The following INTS4 variants were observed in gnomAD, a reference collection of about 807,000 sequenced individuals.
The protein encoded by INTS4 is integrator complex subunit 4.
Under a neutral mutation model 119.5 loss-of-function variants are expected in INTS4, and 70 were observed. That is an observed-to-expected ratio of 0.59 (90% CI 0.48 to 0.71). The LOEUF (loss-of-function observed/expected upper bound fraction) is 0.71. INTS4 is among the 30% of genes least tolerant of loss of function. The pLI is 0.00. For missense variants in INTS4, 867 were observed against 1,173.2 expected (o/e 0.74, Z 3.81); for synonymous variants, 316 against 419.6 (o/e 0.75, Z 3.02).
chr11:77,974,730 T>C (rs751709259), intron 4 of INTS4, among the ~76,000 whole-genome samples: 1 of 151,734 alleles, frequency 6.6e-6, no homozygotes, highest in African/African-American at 2.4e-5. Context: ...GCCTCCCAGG[T>C]AGCTGGACTA....
intron 2 of INTS4, among the ~76,000 whole-genome samples, chr11:77,990,697 A>AG (rs970194793): frequency 8.6e-5 from 13 of 151,768 alleles, no homozygotes; most frequent in African/African-American, 2.7e-4. Flanking sequence ...AAAAAAAAAA[A>AG]AAAAAAAATG....
intron 8 of INTS4, among the ~76,000 whole-genome samples, chr11:77,950,506 C>T (rs1954164903): frequency 6.6e-6 from 1 of 152,062 alleles, no homozygotes. Context: ...TGGTGTTCAA[C>T]TGCACATAAA....
At chr11:77,964,958 T>C (rs1485421646) in intron 4 of INTS4, among the ~76,000 whole-genome samples, 1 of 152,244 alleles carries the variant, frequency 6.6e-6, no homozygotes, top group African/African-American at 2.4e-5. Flanking sequence ...TGGGATACAA[T>C]GTGATACTTT....
At position 77,934,394 on chromosome 11, in the gene INTS4, TA is replaced by T. The variant is rs57661146; in HGVS notation, c.1165+4256del. ...ACACCCAAGAATGATCAATAAATAC[TA>T]AAAAAAAAAAAAAAAAGAATGATGC... On this transcript the variant is annotated intron_variant, in intron 10 of 22. Coordinates refer to ENST00000534064, the MANE Select transcript of INTS4 (RefSeq NM_033547.4). Among the ~76,000 whole-genome samples the T allele has an allele frequency of 1.4e-3, 179 of 125,338 alleles. 1 individual carries two copies. The highest frequency in any genetic ancestry group is 2.9e-3 in the South Asian group (11 of 3,782). 82.2% of individuals were successfully genotyped at this position (125,338 alleles called of 152,430 possible).
chr11:77,918,198 G>A (rs1213779278), intron 15 of INTS4: 19 of 677,390 alleles, frequency 2.8e-5, no homozygotes, highest in East Asian at 2.0e-4. Context: ...TTGGGAGGCC[G>A]AGGCGGGAGG....
chr11:77,994,571 C>A lies in INTS4; in HGVS notation c.54+19G>T. The A allele has an allele frequency of 6.3e-7, 1 of 1,595,800 alleles. No individual in the cohort carries two copies. The highest frequency in any genetic ancestry group is 8.6e-7 in the Non-Finnish European group (1 of 1,163,130). ...ACCCTGGTCCGGATCGGTTCTGGAT[C>A]TTTCCCGCCAGAGCTTACCTGAACC... On this transcript the variant is annotated intron_variant, in intron 1 of 22. Transcript: ENST00000534064.
chr11:77,988,783 G>A (rs989467649), intron 2 of INTS4, among the ~76,000 whole-genome samples: 1 of 152,126 alleles, frequency 6.6e-6, no homozygotes, highest in East Asian at 1.9e-4. Context: ...AGAGAACAGA[G>A]GAACAAGTTA....
intron 16 of INTS4, among the ~76,000 whole-genome samples, chr11:77,907,405 A>C (rs1414954235): frequency 6.6e-6 from 1 of 152,154 alleles, no homozygotes; most frequent in African/African-American, 2.4e-5. Context: ...GATAGTCTAA[A>C]ACTTCATACA....
intron 14 of INTS4, among the ~76,000 whole-genome samples, chr11:77,919,832 G>A (rs573763289): frequency 1.7e-3 from 255 of 151,952 alleles, no homozygotes; most frequent in Non-Finnish European, 2.8e-3. Flanking sequence ...TTTTTGAGAT[G>A]GAGTCTCGCT....
At chr11:77,983,980 C>T (rs1036910499) in intron 2 of INTS4, among the ~76,000 whole-genome samples, 2 of 152,024 alleles carry the variant, frequency 1.3e-5, no homozygotes, top group Non-Finnish European at 2.9e-5. Context: ...GGAAGCAATG[C>T]AAGTATCCAT....
intron 4 of INTS4, among the ~76,000 whole-genome samples, chr11:77,973,946 T>A (rs981908126): frequency 6.6e-6 from 1 of 152,222 alleles, no homozygotes; most frequent in African/African-American, 2.4e-5. Context: ...ACTCATAGAA[T>A]GAGTTTGGAA....
intron 15 of INTS4, among the ~76,000 whole-genome samples, chr11:77,908,846 T>TG (rs1555023900): frequency 6.6e-6 from 1 of 151,958 alleles, no homozygotes; most frequent in Non-Finnish European, 1.5e-5. Context: ...CATTATTTTT[T>TG]AAAAGGTATT....
chr11:77,909,763 T>C (rs1953046562), intron 15 of INTS4, among the ~76,000 whole-genome samples: 1 of 152,196 alleles, frequency 6.6e-6, no homozygotes, highest in Non-Finnish European at 1.5e-5. Flanking sequence ...CATACACAAA[T>C]AAAATAGTTG....
intron 9 of INTS4, among the ~76,000 whole-genome samples, chr11:77,939,498 C>T (rs895962450): frequency 1.3e-5 from 2 of 151,702 alleles, no homozygotes; most frequent in African/African-American, 2.4e-5. Context: ...GGCAACATTG[C>T]GTTCTATTTC....
intron 2 of INTS4, among the ~76,000 whole-genome samples, chr11:77,984,033 T>TTTA (rs1856355450): frequency 6.6e-6 from 1 of 152,188 alleles, no homozygotes; most frequent in South Asian, 2.1e-4. Flanking sequence ...ATACACATAA[T>TTTA]GGAATATTAT....
chr11:77,978,322 T>C (rs1054262804), intron 4 of INTS4: 1 of 152,338 alleles, frequency 6.6e-6, no homozygotes, highest in South Asian at 2.1e-4. Context: ...TATAATACTC[T>C]AACACAATTC....
chr11:77,963,530 T>C (rs1367796106), intron 4 of INTS4: 2 of 390,132 alleles, frequency 5.1e-6, no homozygotes, highest in Non-Finnish European at 9.8e-6. Context: ...GGAAACCACA[T>C]CCCCAATAAT....
At chr11:77,903,154 T>C (rs1212114623) in intron 17 of INTS4, among the ~76,000 whole-genome samples, 1 of 152,228 alleles carries the variant, frequency 6.6e-6, no homozygotes, top group Non-Finnish European at 1.5e-5. Context: ...GAGGAAGACC[T>C]GGGACTAGGA....
chr11:77,937,161 T>C (rs899062230), intron 10 of INTS4, among the ~76,000 whole-genome samples: 2 of 150,810 alleles, frequency 1.3e-5, no homozygotes, highest in African/African-American at 4.9e-5. Context: ...GGCAAAACTC[T>C]GTCCCCGCCA....
Sources: gnomAD v4.1 joint callset for allele counts (sites outside exome capture counted in the v4.1 genomes callset) on GRCh38, gnomAD v4.1.1 for gene constraint, MANE v1.5 for transcripts, NCBI Gene and HGNC (gene_info 2026-07-23, HGNC 2026-07-21) for gene names.